The following HERC1 variants were observed in gnomAD, a reference collection of about 807,000 sequenced individuals.
HERC1 encodes HECT and RLD domain containing E3 ubiquitin protein ligase family member 1.
In HERC1, 160 loss-of-function variants were observed where a neutral mutation model predicts 554.3. The observed-to-expected ratio is 0.29, with a 90% CI of 0.25 to 0.33. The LOEUF (loss-of-function observed/expected upper bound fraction) is 0.33. Among genes scored for constraint, HERC1 ranks in the 10% least tolerant of loss-of-function variants. The pLI is 1.00. For synonymous variants in HERC1, 2,175 were observed against 2,131.7 expected (o/e 1.02, Z -0.56); for missense variants, 4,919 against 5,918.5 (o/e 0.83, Z 5.54).
Position 63,643,495 on chromosome 15 carries a change from A to T in HERC1, c.11240T>A (p.Ile3747Asn). 1 of 1,611,610 alleles carries T rather than the reference A, an allele frequency of 6.2e-7. No homozygotes were observed. Among genetic ancestry groups the T allele is most frequent in the Non-Finnish European group, 8.5e-7 (1 of 1,178,626 alleles). The change falls in exon 58 of 78, where the codon ATC (isoleucine) becomes AAC (asparagine). Residue 3747 changes from isoleucine (I) to asparagine (N), a missense_variant. Ile to Asn is a moderately radical substitution (Grantham distance 149). Transcript: ENST00000443617. ...AKCVYQLRGH[I>N]TPVRTVAFSS... ...AAAGGCAACAGTCCGAACAGGAGTG[A>T]TGTGTCCCCGCAGCTGATAAACACA...
At chr15:63,611,176 G>T (rs1426773601) in intron 77 of HERC1, among the ~76,000 whole-genome samples, 1 of 152,216 alleles carries the variant, frequency 6.6e-6, no homozygotes, top group Non-Finnish European at 1.5e-5. Flanking sequence ...CTACTGGGGA[G>T]AAAGGCAAGC....
At chr15:63,832,076 T>C (rs2078174024) in intron 1 of HERC1, among the ~76,000 whole-genome samples, 1 of 152,094 alleles carries the variant, frequency 6.6e-6, no homozygotes, top group East Asian at 1.9e-4. Context: ...CAGATGACAA[T>C]CTATCCTATT....
At chr15:63,725,656 A>AT in intron 17 of HERC1, 143 bp from the exon 18 acceptor site, 1 of 648,404 alleles carries the variant, frequency 1.5e-6, no homozygotes, top group East Asian at 2.7e-5. Context: ...TACTTTCTGT[A>AT]TTTTTTCTCT....
At chr15:63,787,960 C>CAAAAAA (rs375499946) in intron 1 of HERC1, among the ~76,000 whole-genome samples, 3 of 45,654 alleles carry the variant, frequency 6.6e-5, no homozygotes, top group African/African-American at 2.5e-4. Context: ...GACCCTGTCT[C>CAAAAAA]AAAAAAAAAA....
intron 1 of HERC1, among the ~76,000 whole-genome samples, chr15:63,794,576 C>T (rs547988113): frequency 1.3e-5 from 2 of 152,190 alleles, no homozygotes; most frequent in African/African-American, 4.8e-5. Context: ...CATTAGCACA[C>T]AAAAAGACAC....
At chr15:63,678,992 T>C (rs1334579214) in intron 36 of HERC1, among the ~76,000 whole-genome samples, 2 of 152,242 alleles carry the variant, frequency 1.3e-5, no homozygotes, top group African/African-American at 2.4e-5. Flanking sequence ...TATTAGTACA[T>C]TGCCAGTCAC....
intron 12 of HERC1, among the ~76,000 whole-genome samples, chr15:63,746,183 A>G (rs1048182335): frequency 1.3e-5 from 2 of 151,988 alleles, no homozygotes; most frequent in African/African-American, 2.4e-5. Flanking sequence ...TTTTCCTCCA[A>G]GCACAGCTTT....
chr15:63,717,861 G>A (rs527753095), intron 21 of HERC1, among the ~76,000 whole-genome samples: 8 of 152,094 alleles, frequency 5.3e-5, no homozygotes, highest in Non-Finnish European at 1.2e-4. Context: ...GACAGAGCGA[G>A]ACTGTCTCAA....
At chr15:63,741,922 C>G (rs965782592) in intron 12 of HERC1, among the ~76,000 whole-genome samples, 1 of 152,128 alleles carries the variant, frequency 6.6e-6, no homozygotes, top group Non-Finnish European at 1.5e-5. Flanking sequence ...AAAGTGTGAG[C>G]CTTCTAACTT....
chr15:63,638,136 G>A (rs1595870968), intron 63 of HERC1, among the ~76,000 whole-genome samples: 1 of 152,160 alleles, frequency 6.6e-6, no homozygotes, highest in East Asian at 1.9e-4. Flanking sequence ...CTAATTAGGA[G>A]TATCTAAACT....
At chr15:63,622,460 G>A (rs976855063) in intron 74 of HERC1, among the ~76,000 whole-genome samples, 1 of 151,004 alleles carries the variant, frequency 6.6e-6, no homozygotes, top group Admixed American at 6.6e-5. Context: ...AGCCTCCCAA[G>A]TAGCTGGGAT....
intron 65 of HERC1, 79 bp from the exon 66 acceptor site, chr15:63,634,967 A>C (rs952429649): frequency 6.4e-5 from 64 of 1,002,116 alleles, no homozygotes; most frequent in Admixed American, 2.4e-4. Flanking sequence ...TTTGGTATTA[A>C]TATAGCAATA....
rs1338611747 is a variant in HERC1 at position 63,713,579 on chromosome 15, G to C, written c.4237C>G (p.Arg1413Gly). The C allele has an allele frequency of 9.3e-6, 15 of 1,613,828 alleles. No individual in the cohort carries two copies. The highest frequency in any genetic ancestry group is 1.7e-4 in the Middle Eastern group (1 of 6,056). The part of the protein sequence containing the change: ...RMNSGAGSGA[R>G]ADDPPPQSQQ... ...GACTGAGGAGGTGGATCATCAGCTC[G>C]AGCCCCAGACCCTGCCCCACTGTTC... The change falls in exon 23 of 78, where the codon CGA becomes GGA. Residue 1413 changes from arginine to glycine, a missense_variant. By Grantham distance (125) the Arg-to-Gly change is moderately radical. Transcript: ENST00000443617.
intron 13 of HERC1, among the ~76,000 whole-genome samples, chr15:63,733,767 A>C (rs2074390396): frequency 6.6e-6 from 1 of 152,154 alleles, no homozygotes. Flanking sequence ...TGGGAGAATC[A>C]CTTGAGCCCA....
chr15:63,756,418 C>T lies in HERC1; in HGVS notation c.1533+19G>A, dbSNP rs768512969. 1.6e-5 allele frequency: 25 copies of T among 1,570,410 alleles called. 1 individual carries two copies. Among genetic ancestry groups the T allele is most frequent in the Admixed American group, 1.5e-4 (8 of 53,702 alleles). On this transcript the variant is annotated intron_variant, in intron 5 of 77. Coordinates refer to ENST00000443617, the MANE Select transcript of HERC1 (RefSeq NM_003922.4). This position sits in a 1 kb window ranked among gnomAD's most constrained non-coding sequence, Gnocchi z 5.0. ...CCAATGCATCTAATTATTTTTATAA[C>T]CAAAAAGAATGCACATACCTTTCCT...
At chr15:63,735,601 T>G (rs1182721349) in intron 12 of HERC1, among the ~76,000 whole-genome samples, 1 of 151,502 alleles carries the variant, frequency 6.6e-6, no homozygotes, top group Non-Finnish European at 1.5e-5. Flanking sequence ...GTCCAGGTAG[T>G]GGGAACAGCA....
chr15:63,821,276 CGGGTGCAGT>C (rs1035245613), intron 1 of HERC1, among the ~76,000 whole-genome samples: 1 of 151,778 alleles, frequency 6.6e-6, no homozygotes, highest in African/African-American at 2.4e-5. Flanking sequence ...AGCAGGGGGC[CGGGTGCAGT>C]GGCTCACACC....
Position 63,640,316 on chromosome 15 carries a change from G to C in HERC1, c.11737C>G (p.Leu3913Val). The C allele has an allele frequency of 1.2e-6, 2 of 1,613,926 alleles. No homozygotes were observed. Among genetic ancestry groups the C allele is most frequent in the African/African-American group, 1.3e-5 (1 of 75,032 alleles). ...GGATTCCAGGATGCAGGGTCAGGGA[G>C]ACAGTTCTGGTGGTGTGGTGGCACT... ...PPVPPHHQNC[L>V]PDPASWNPNE... The change falls in exon 61 of 78, where the codon CTC becomes GTC. Residue 3913 changes from leucine (L) to valine (V), a missense_variant. This residue lies in a region of HERC1 where 1,963 missense variants were observed against 2,228.6 expected (regional missense o/e 0.88). Coordinates refer to ENST00000443617, the MANE Select transcript of HERC1 (RefSeq NM_003922.4).
chr15:63,641,635 C>G lies in HERC1; in HGVS notation c.11442G>C (p.Leu3814Phe). 6.5e-7 allele frequency: 1 copy of G among 1,533,422 alleles called. No homozygotes were observed. Among genetic ancestry groups the G allele is most frequent in the Non-Finnish European group, 8.8e-7 (1 of 1,134,258 alleles). 95.0% of individuals were successfully genotyped at this position (1,533,422 alleles called of 1,614,324 possible). Reference sequence around the variant, plus strand: ...CCCATTCTGCTGTACAATTCACGACCAAAACATCCTGGTTGAAAATAAATC... The same window carrying G: ...CCCATTCTGCTGTACAATTCACGACGAAAACATCCTGGTTGAAAATAAATC... ...AACSNRSKDV[L>F]VVNCTAEWAA... is the part of the protein sequence containing the mutation. The change falls in exon 60 of 78, where the codon TTG (leucine) becomes TTC (phenylalanine). Residue 3814 changes from leucine (L) to phenylalanine (F), a missense_variant. Physicochemically the swap from Leu to Phe is conservative, Grantham distance 22. Transcript: ENST00000443617.
Sources: gnomAD v4.1 joint callset for allele counts (sites outside exome capture counted in the v4.1 genomes callset) on GRCh38, gnomAD v4.1.1 for gene constraint, gnomAD v4.1.1 regional missense constraint, Gnocchi (gnomAD v3.1) non-coding constraint, MANE v1.5 for transcripts, NCBI Gene and HGNC (gene_info 2026-07-23, HGNC 2026-07-21) for gene names.